SMIM45: variants seen among roughly 807,000 people sequenced by gnomAD.
The protein encoded by SMIM45 is long intergenic non-protein coding RNA 634.
the SMIM45 span, among the ~76,000 whole-genome samples, chr22:41,955,379 A>G: frequency 1.3e-5 from 2 of 151,962 alleles, no homozygotes; most frequent in African/African-American, 2.4e-5. Context: ...GGGTTTCACC[A>G]TGTTGGTCAG....
At chr22:41,951,302 G>A in the SMIM45 span, among the ~76,000 whole-genome samples, 3 of 152,254 alleles carry the variant, frequency 2.0e-5, no homozygotes, top group Non-Finnish European at 4.4e-5. Flanking sequence ...ATAGGGGGAG[G>A]GGGAGGATCC....
chr22:41,947,145 C>A, the SMIM45 span: 1 of 1,519,510 alleles, frequency 6.6e-7, no homozygotes, highest in African/African-American at 1.4e-5. Context: ...GAGTCCAGCC[C>A]CTAGAGCGCG....
chr22:41,953,799 G>A, the SMIM45 span, among the ~76,000 whole-genome samples: 3 of 137,752 alleles, frequency 2.2e-5, no homozygotes, highest in African/African-American at 7.8e-5. Flanking sequence ...TGCCCAGGCT[G>A]GAGTGCAGTG....
At chr22:41,950,868 T>C in the SMIM45 span, among the ~76,000 whole-genome samples, 1 of 152,202 alleles carries the variant, frequency 6.6e-6, no homozygotes, top group Non-Finnish European at 1.5e-5. Flanking sequence ...GGTGCCCACC[T>C]GTAGTCCCAG....
At chr22:41,949,528 C>T in the SMIM45 span, among the ~76,000 whole-genome samples, 6 of 152,126 alleles carry the variant, frequency 3.9e-5, no homozygotes, top group African/African-American at 1.4e-4. Context: ...GGTGAGGCCA[C>T]GGAGGTGATT....
At chr22:41,955,805 C>CA in the SMIM45 span, among the ~76,000 whole-genome samples, 39,003 of 104,056 alleles carry the variant, frequency 0.37, 6,529 homozygotes, top group Non-Finnish European at 0.39. Context: ...GACTCCGTCT[C>CA]AAAAAAAAAA....
the SMIM45 span, chr22:41,947,255 A>T: frequency 1.6e-6 from 1 of 608,866 alleles, no homozygotes. Flanking sequence ...GGGGCGTTCC[A>T]GCGCTACCCG....
chr22:41,958,438 G>A, the SMIM45 span: 1 of 455,074 alleles, frequency 2.2e-6, no homozygotes, highest in Non-Finnish European at 4.4e-6. Context: ...TGTGTGGTGG[G>A]GGTATGCAGA....
the SMIM45 span, among the ~76,000 whole-genome samples, chr22:41,950,591 G>A: frequency 6.6e-6 from 1 of 152,300 alleles, no homozygotes; most frequent in African/African-American, 2.4e-5. Flanking sequence ...CAAGCTACTC[G>A]GGAGGCTGAG....
At chr22:41,949,066 A>G in the SMIM45 span, among the ~76,000 whole-genome samples, 36,326 of 151,796 alleles carry the variant, frequency 0.24, 6,487 homozygotes, top group African/African-American at 0.48. Context: ...ACTCCATCAC[A>G]AAAACAAAAA....
At chr22:41,950,283 T>G in the SMIM45 span, among the ~76,000 whole-genome samples, 1 of 152,202 alleles carries the variant, frequency 6.6e-6, no homozygotes, top group African/African-American at 2.4e-5. Flanking sequence ...GTTTGACATA[T>G]GTATATACTT....
chr22:41,956,601 C>G, the SMIM45 span, among the ~76,000 whole-genome samples: 13 of 152,196 alleles, frequency 8.5e-5, no homozygotes, highest in Admixed American at 5.2e-4. Flanking sequence ...CACAAGGAGA[C>G]CAGAGGAGGC....
At chr22:41,957,181 C>CTTTTTT in the SMIM45 span, among the ~76,000 whole-genome samples, 2 of 59,292 alleles carry the variant, frequency 3.4e-5, no homozygotes, top group African/African-American at 6.4e-5. Flanking sequence ...ACCACGTGGT[C>CTTTTTT]TTTTTTTTTT....
chr22:41,955,177 T>A, the SMIM45 span, among the ~76,000 whole-genome samples: 15 of 139,646 alleles, frequency 1.1e-4, no homozygotes, highest in African/African-American at 3.0e-4. Context: ...AATGCTTTTT[T>A]ATTTTAATTT....
chr22:41,958,355 C>T, the SMIM45 span: 3 of 456,644 alleles, frequency 6.6e-6, no homozygotes, highest in Admixed American at 7.0e-5. Context: ...ACCTAAGAAC[C>T]TCGTTTGGAG....
At chr22:41,949,936 T>C in the SMIM45 span, among the ~76,000 whole-genome samples, 2 of 152,096 alleles carry the variant, frequency 1.3e-5, no homozygotes, top group East Asian at 3.9e-4. Context: ...TCTTACATCC[T>C]GAACACCCAA....
the SMIM45 span, among the ~76,000 whole-genome samples, chr22:41,953,346 A>G: frequency 2.0e-5 from 3 of 151,936 alleles, no homozygotes; most frequent in Admixed American, 2.0e-4. Context: ...AGTTCTTTCC[A>G]TCCATCCCCC....
At chr22:41,954,202 A>ATTTTTTTTTTTTTTTT in the SMIM45 span, among the ~76,000 whole-genome samples, 1 of 104,552 alleles carries the variant, frequency 9.6e-6, no homozygotes, top group African/African-American at 4.1e-5. Context: ...GGTACTTTGA[A>ATTTTTTTTTTTTTTTT]TTTTTTTTTT....
chr22:41,952,652 T>C, the SMIM45 span, among the ~76,000 whole-genome samples: 4 of 152,006 alleles, frequency 2.6e-5, no homozygotes, highest in Non-Finnish European at 4.4e-5. Flanking sequence ...GGCCAGTGAG[T>C]GTGTTGCTTT....
Sources: allele counts gnomAD v4.1 joint callset (sites outside exome capture counted in the v4.1 genomes callset), GRCh38; gene constraint gnomAD v4.1.1; transcripts MANE v1.5; gene names NCBI Gene and HGNC (gene_info 2026-07-23, HGNC 2026-07-21).